Variants in CSMD1 observed in about 807,000 individuals in gnomAD.
CSMD1 encodes the protein CUB and sushi domain-containing protein 1.
In CSMD1, 213 loss-of-function variants were observed where a neutral mutation model predicts 417.5. The ratio of observed to expected loss-of-function variants is 0.51; its 90% CI spans 0.46 to 0.57. CSMD1 has a LOEUF of 0.57. Ranked by LOEUF, CSMD1 falls within the 20% of genes least tolerant of loss-of-function variation. The pLI, the probability that CSMD1 is intolerant of heterozygous loss-of-function variation, is 0.00. For missense variants in CSMD1, 6,923 were observed against 4,529.7 expected (o/e 1.53, Z -15.17); for synonymous variants, 2,862 against 1,736.8 (o/e 1.65, Z -16.11).
rs367657223 is a variant in CSMD1, at chr8:3,448,107, G to C, written c.1561+20605C>G. On this transcript the variant is annotated intron_variant, in intron 12 of 69. Transcript: ENST00000635120. ...TCCTAAAAATAAGATAGAAGGGTAAGAGAATATTAGCATGATGCTGTCAAT... is the reference window on the plus strand; with the variant it reads ...TCCTAAAAATAAGATAGAAGGGTAACAGAATATTAGCATGATGCTGTCAAT... Among the ~76,000 whole-genome samples the C allele has an allele frequency of 5.3e-4, 80 of 151,646 alleles. 1 individual carries two copies. The South Asian group carries it at 0.016, about 30-fold the overall frequency.
At chr8:4,100,703 T>A (rs1801261538) in intron 3 of CSMD1, among the ~76,000 whole-genome samples, 1 of 152,070 alleles carries the variant, frequency 6.6e-6, no homozygotes, top group Admixed American at 6.6e-5. Context: ...ACTCTTTAAT[T>A]TTTTTCCTCA....
At chr8:4,729,744 T>G (rs1809723828) in intron 1 of CSMD1, among the ~76,000 whole-genome samples, 1 of 152,208 alleles carries the variant, frequency 6.6e-6, no homozygotes, top group African/African-American at 2.4e-5. Context: ...TATAAAACTG[T>G]AGGGAAGGAT....
At position 3,457,769 on chromosome 8, in the gene CSMD1, C is replaced by T. The variant is rs115039879; in HGVS notation, c.1561+10943G>A. Among the ~76,000 whole-genome samples, 963 of 152,158 alleles carry T rather than the reference C, an allele frequency of 6.3e-3. 9 individuals are homozygous for T. Among genetic ancestry groups the T allele is most frequent in the African/African-American group, 0.021 (881 of 41,526 alleles). On this transcript the variant is annotated intron_variant, in intron 12 of 69. Coordinates refer to ENST00000635120, the MANE Select transcript of CSMD1 (RefSeq NM_033225.6). ...AAGGTAATGAGAAAATTGAAAGCAA[C>T]AAATTCCAATTGAAAGGAAAAAACC...
intron 59 of CSMD1, among the ~76,000 whole-genome samples, chr8:2,963,606 A>G (rs1393781358): frequency 1.3e-5 from 2 of 152,260 alleles, no homozygotes; most frequent in African/African-American, 4.8e-5. Flanking sequence ...GATGAAGTCT[A>G]TAAAAGCAAA....
chr8:3,040,961 G>C (rs1396909239), intron 50 of CSMD1, among the ~76,000 whole-genome samples: 1 of 152,164 alleles, frequency 6.6e-6, no homozygotes, highest in Non-Finnish European at 1.5e-5. Flanking sequence ...TGTTTCTACA[G>C]AAGTTCCAGT....
At chr8:3,517,537 G>T (rs988308190) in intron 10 of CSMD1, among the ~76,000 whole-genome samples, 1 of 152,144 alleles carries the variant, frequency 6.6e-6, no homozygotes, top group East Asian at 1.9e-4. Flanking sequence ...ACAAGTCCCT[G>T]GGAGAATGGG....
chr8:2,955,411 G>A (rs1179727126), intron 64 of CSMD1, among the ~76,000 whole-genome samples, 178 bp downstream of exon 64: 1 of 152,084 alleles, frequency 6.6e-6, no homozygotes, highest in Non-Finnish European at 1.5e-5. Context: ...ATCAAACACT[G>A]AGGATACACA....
chr8:4,864,413 T>G (rs771899696), intron 1 of CSMD1, among the ~76,000 whole-genome samples: 3 of 151,902 alleles, frequency 2.0e-5, no homozygotes, highest in Non-Finnish European at 4.4e-5. Context: ...TATCACTTCC[T>G]TACTTTACTA....
intron 10 of CSMD1, among the ~76,000 whole-genome samples, chr8:3,563,891 A>G (rs576382017): frequency 6.6e-6 from 1 of 152,310 alleles, no homozygotes; most frequent in South Asian, 2.1e-4. Context: ...TCCGTCTCAA[A>G]AAAACAAAAA....
At chr8:4,290,727 C>G (rs1472690823) in intron 3 of CSMD1, among the ~76,000 whole-genome samples, 1 of 152,182 alleles carries the variant, frequency 6.6e-6, no homozygotes, top group African/African-American at 2.4e-5. Context: ...TGTTCATTAA[C>G]TTTATCTCCC....
intron 5 of CSMD1, among the ~76,000 whole-genome samples, chr8:3,765,536 T>C (rs1798219293): frequency 1.3e-5 from 2 of 152,240 alleles, no homozygotes; most frequent in Admixed American, 1.3e-4. Flanking sequence ...TCCTCTTCTT[T>C]GTAGTATTCT....
intron 1 of CSMD1, among the ~76,000 whole-genome samples, chr8:4,848,892 G>A (rs1245808779): frequency 1.3e-5 from 2 of 152,186 alleles, no homozygotes; most frequent in African/African-American, 2.4e-5. Flanking sequence ...CTGGTTTATA[G>A]TTTTACTATA....
At chr8:3,022,673 T>C (rs540576522) in intron 51 of CSMD1, among the ~76,000 whole-genome samples, 1 of 120,866 alleles carries the variant, frequency 8.3e-6, no homozygotes, top group East Asian at 2.5e-4. Flanking sequence ...TCAAATACAT[T>C]CTAGCTAAAA....
chr8:4,139,516 G>A (rs1401367663), intron 3 of CSMD1, among the ~76,000 whole-genome samples: 2 of 146,964 alleles, frequency 1.4e-5, no homozygotes, highest in Non-Finnish European at 2.9e-5. Context: ...TCAGTGTTGT[G>A]GATCTCAGGG....
At chr8:3,865,518 G>C (rs1353094835) in intron 5 of CSMD1, among the ~76,000 whole-genome samples, 1 of 152,034 alleles carries the variant, frequency 6.6e-6, no homozygotes, top group East Asian at 1.9e-4. Context: ...GTGGGGGAAA[G>C]AGTTGGGGGT....
At chr8:3,947,618 G>C (rs1027917657) in intron 5 of CSMD1, among the ~76,000 whole-genome samples, 1 of 151,126 alleles carries the variant, frequency 6.6e-6, no homozygotes, top group East Asian at 2.0e-4. Context: ...TTCCAAATAC[G>C]AGGAGCTTTC....
intron 12 of CSMD1, among the ~76,000 whole-genome samples, chr8:3,450,649 A>G (rs1815644437): frequency 6.6e-6 from 1 of 151,588 alleles, no homozygotes; most frequent in Non-Finnish European, 1.5e-5. Context: ...TGAACTCATC[A>G]TTTTTCATGG....
chr8:3,845,812 A>G (rs1014620471), intron 5 of CSMD1, among the ~76,000 whole-genome samples: 3 of 151,926 alleles, frequency 2.0e-5, no homozygotes, highest in Non-Finnish European at 4.4e-5. Context: ...TTTTTATTCT[A>G]TGTGCTTTCT....
At chr8:4,934,320 G>A (rs573932068) in intron 1 of CSMD1, among the ~76,000 whole-genome samples, 2 of 152,264 alleles carry the variant, frequency 1.3e-5, no homozygotes, top group Middle Eastern at 3.4e-3. Context: ...CATCAACCTT[G>A]TTTTGCAGCC....
Sources: gnomAD v4.1 joint callset for allele counts (sites outside exome capture counted in the v4.1 genomes callset) on GRCh38, gnomAD v4.1.1 for gene constraint, MANE v1.5 for transcripts, NCBI Gene and HGNC (gene_info 2026-07-23, HGNC 2026-07-21) for gene names.